RBM47: variants seen among roughly 807,000 people sequenced by gnomAD.
The protein encoded by RBM47 is RNA-binding protein 47.
RBM47 carries 21 observed loss-of-function variants against 47.1 expected under a neutral mutation model. The ratio of observed to expected loss-of-function variants is 0.45; its 90% CI spans 0.32 to 0.64. RBM47 has a LOEUF of 0.64. RBM47 is among the 30% of genes least tolerant of loss of function. The probability of loss-of-function intolerance (pLI) is 0.05; values close to 1 mark genes in which losing one functional copy is unlikely to be tolerated. For synonymous variants in RBM47, 375 were observed against 361.7 expected (o/e 1.04, Z -0.42); for missense variants, 708 against 870.9 (o/e 0.81, Z 2.35).
chr4:40,628,733 T>C lies in RBM47; in HGVS notation c.-240+663A>G, dbSNP rs1053500086. ...AAGTACCTTGAAGATGGTATCTTCC[T>C]ATCACTTATGCCTTGGGACAGTACC... On this transcript the variant is annotated intron_variant, in intron 1 of 6. Transcript: ENST00000295971. This position sits in a 1 kb window ranked among gnomAD's most constrained non-coding sequence, Gnocchi z 4.0. 7.9e-5 allele frequency among the ~76,000 whole-genome samples: 12 copies of C among 152,230 alleles called. No individual in the cohort carries two copies. The highest frequency in any genetic ancestry group is 2.9e-4 in the African/African-American group (12 of 41,464).
chr4:40,451,572 C>T (rs1490948142), intron 3 of RBM47, among the ~76,000 whole-genome samples: 1 of 152,100 alleles, frequency 6.6e-6, no homozygotes, highest in Admixed American at 6.6e-5. Context: ...AATGCAATAA[C>T]CCTTACTTAA....
At chr4:40,550,146 T>G (rs1729426828) in intron 1 of RBM47, among the ~76,000 whole-genome samples, 1 of 152,214 alleles carries the variant, frequency 6.6e-6, no homozygotes, top group Non-Finnish European at 1.5e-5. Flanking sequence ...TTGATTTCCT[T>G]GCATCTCTCC....
intron 2 of RBM47, among the ~76,000 whole-genome samples, chr4:40,538,476 G>A (rs1404615042): frequency 6.6e-6 from 1 of 151,830 alleles, no homozygotes; most frequent in Non-Finnish European, 1.5e-5. Flanking sequence ...AGAGGCGCAC[G>A]TCACCACGGC....
intron 1 of RBM47, among the ~76,000 whole-genome samples, chr4:40,575,552 C>CCAAAAAAAAAAAA (rs1732207804): frequency 1.0e-5 from 1 of 98,364 alleles, no homozygotes; most frequent in African/African-American, 3.5e-5. Flanking sequence ...AACTCCATCT[C>CCAAAAAAAAAAAA]AAAAAAAAAA....
intron 2 of RBM47, among the ~76,000 whole-genome samples, chr4:40,473,288 C>A (rs1040900365): frequency 2.6e-5 from 4 of 152,116 alleles, no homozygotes; most frequent in African/African-American, 9.7e-5. Context: ...TGAGGCTGCC[C>A]ATTTGTTAAG....
chr4:40,595,767 T>C (rs546440982), intron 1 of RBM47, among the ~76,000 whole-genome samples: 154 of 152,044 alleles, frequency 1.0e-3, no homozygotes, highest in East Asian at 9.7e-4. Flanking sequence ...TAGCCAGGCA[T>C]GGTGGCGTGT....
At chr4:40,546,838 T>C (rs2154263143) in intron 1 of RBM47, among the ~76,000 whole-genome samples, 1 of 152,208 alleles carries the variant, frequency 6.6e-6, no homozygotes, top group Middle Eastern at 3.4e-3. Context: ...AGCTTTTACC[T>C]CTCCTGTCCA....
At chr4:40,491,128 T>C (rs749703635) in intron 2 of RBM47, among the ~76,000 whole-genome samples, 14 of 152,080 alleles carry the variant, frequency 9.2e-5, no homozygotes, top group South Asian at 2.1e-4. Context: ...AGGATGGCCA[T>C]AGGACAATAG....
intron 1 of RBM47, among the ~76,000 whole-genome samples, chr4:40,615,118 C>A (rs1736604543): frequency 6.6e-6 from 1 of 151,536 alleles, no homozygotes; most frequent in African/African-American, 2.4e-5. Flanking sequence ...AGAGCAAAAC[C>A]CTGTCTCAAA....
chr4:40,450,885 G>A (rs1456712331), intron 3 of RBM47, among the ~76,000 whole-genome samples: 3 of 152,078 alleles, frequency 2.0e-5, no homozygotes, highest in African/African-American at 2.4e-5. Flanking sequence ...CAGGGGGTGC[G>A]CATAAAATTG....
chr4:40,572,585 T>C (rs1190460769), intron 1 of RBM47, among the ~76,000 whole-genome samples: 1 of 151,688 alleles, frequency 6.6e-6, no homozygotes, highest in Admixed American at 6.6e-5. Context: ...TGTAGTTTAT[T>C]TGAACAAAAC....
intron 2 of RBM47, among the ~76,000 whole-genome samples, chr4:40,534,596 C>A (rs1260375042): frequency 6.6e-6 from 1 of 152,034 alleles, no homozygotes; most frequent in Non-Finnish European, 1.5e-5. Context: ...ATGGACATAC[C>A]TTTTTCTGAG....
intron 2 of RBM47, among the ~76,000 whole-genome samples, chr4:40,489,721 T>C (rs1721593289): frequency 6.6e-6 from 1 of 152,200 alleles, no homozygotes; most frequent in Admixed American, 6.5e-5. Flanking sequence ...ATGACTTCTC[T>C]GGAGGATTCT....
At chr4:40,548,212 CA>C (rs1729206571) in intron 1 of RBM47, among the ~76,000 whole-genome samples, 1 of 152,184 alleles carries the variant, frequency 6.6e-6, no homozygotes. Context: ...GTTTACCCGG[CA>C]GACACATCTG....
chr4:40,446,973 G>A (rs1245597815), intron 3 of RBM47, among the ~76,000 whole-genome samples: 1 of 152,140 alleles, frequency 6.6e-6, no homozygotes, highest in Non-Finnish European at 1.5e-5. Context: ...GTCTGGCAGT[G>A]TGATTCTCCA....
chr4:40,436,756 G>GTAGCCACCT, intron 4 of RBM47, 109 bp from the exon 5 acceptor site: 1 of 1,038,418 alleles, frequency 9.6e-7, no homozygotes, highest in Non-Finnish European at 1.5e-6. Context: ...AATTGCAGGT[G>GTAGCCACCT]GCTACACCTT....
Position 40,496,325 on chromosome 4 carries a change from C to T in RBM47, c.-154-29626G>A, listed in dbSNP as rs544390527. The stretch of plus-strand genomic sequence containing the variant: ...ACTATTCTGTATCTTGGCTGGAGAA[C>T]TTAAACACACACACACACACACACA... On this transcript the variant is annotated intron_variant, in intron 2 of 6. Coordinates refer to ENST00000295971, the MANE Select transcript of RBM47 (RefSeq NM_001098634.2). 8.5e-3 allele frequency among the ~76,000 whole-genome samples: 1,054 copies of T among 124,204 alleles called. 12 individuals are homozygous for T. The highest frequency in any genetic ancestry group is 0.032 in the African/African-American group (1,005 of 31,636). 81.5% of individuals were successfully genotyped at this position (124,204 alleles called of 152,430 possible).
At chr4:40,498,291 C>G (rs933086045) in intron 2 of RBM47, among the ~76,000 whole-genome samples, 1 of 151,884 alleles carries the variant, frequency 6.6e-6, no homozygotes, top group Non-Finnish European at 1.5e-5. Context: ...AAAATTGATG[C>G]TTTTTTAAAT....
chr4:40,490,680 G>A (rs146359001), intron 2 of RBM47, among the ~76,000 whole-genome samples: 3,534 of 151,984 alleles, frequency 0.023, 73 homozygotes, highest in Non-Finnish European at 0.032. Context: ...GAACCCGGGA[G>A]GCGGAGGTTG....
Sources: allele counts gnomAD v4.1 joint callset (sites outside exome capture counted in the v4.1 genomes callset), GRCh38; gene constraint gnomAD v4.1.1; non-coding constraint Gnocchi (gnomAD v3.1); transcripts MANE v1.5; gene names NCBI Gene and HGNC (gene_info 2026-07-23, HGNC 2026-07-21).